Variants in CRACDL observed in about 807,000 individuals in gnomAD.
The protein encoded by CRACDL is CRACD like.
CRACDL carries 26 observed loss-of-function variants against 70.6 expected under a neutral mutation model. The ratio of observed to expected loss-of-function variants is 0.37; its 90% confidence interval spans 0.27 to 0.51. The LOEUF is 0.51. CRACDL is among the 20% of genes least tolerant of loss of function. CRACDL has a pLI of 0.94. For missense variants in CRACDL, 1,283 were observed against 1,376.9 expected (o/e 0.93, Z 1.08); for synonymous variants, 618 against 615.2 (o/e 1.00, Z -0.07).
At position 98,823,134 on chromosome 2, in the gene CRACDL, G is replaced by A. The variant is rs368429942; in HGVS notation, c.1139C>T (p.Pro380Leu). The change falls in exon 7 of 10, where the codon CCG becomes CTG. Residue 380 changes from proline to leucine, a missense_variant. By Grantham distance (98) the Pro-to-Leu change is moderately conservative. Coordinates refer to ENST00000397899, the MANE Select transcript of CRACDL (RefSeq NM_207362.3). The surrounding 1 kb of genome is among the most constrained non-coding windows in gnomAD (Gnocchi z 4.0). ...CGCCTTGTCCGTGGCCGGGGCACAC[G>A]GGCCTGCGGGGGGCGCCTCCCCATC... Reference protein sequence around the residue: ...KQDGEAPPAGPCAPATDKAEE... With the variant: ...KQDGEAPPAGLCAPATDKAEE... The A allele has an allele frequency of 5.8e-6, 9 of 1,563,182 alleles. No homozygotes were observed. Among genetic ancestry groups the A allele is most frequent in the African/African-American group, 5.7e-5 (4 of 70,414 alleles).
chr2:98,817,730 G>A (rs920589515), intron 7 of CRACDL, among the ~76,000 whole-genome samples: 31 of 152,192 alleles, frequency 2.0e-4, no homozygotes, highest in African/African-American at 7.5e-4. Context: ...GCATGAATGA[G>A]TGAGTACTGG....
chr2:98,928,431 C>T (rs1421003262), intron 1 of CRACDL, among the ~76,000 whole-genome samples: 1 of 152,122 alleles, frequency 6.6e-6, no homozygotes, highest in Non-Finnish European at 1.5e-5. Context: ...ACACTGTGGC[C>T]AAAGAGCAGC....
chr2:98,870,710 G>A (rs1366957014), intron 1 of CRACDL, among the ~76,000 whole-genome samples: 2 of 152,234 alleles, frequency 1.3e-5, no homozygotes, highest in African/African-American at 4.8e-5. Context: ...AAGGCCCACA[G>A]TGGCAATTCC....
intron 1 of CRACDL, among the ~76,000 whole-genome samples, chr2:98,911,006 T>A (rs1417658955): frequency 6.6e-6 from 1 of 152,134 alleles, no homozygotes; most frequent in Non-Finnish European, 1.5e-5. Flanking sequence ...CCTTTATTTT[T>A]AAAGGGAGGC....
At chr2:98,843,509 C>T (rs545460936) in intron 2 of CRACDL, among the ~76,000 whole-genome samples, 11 of 152,154 alleles carry the variant, frequency 7.2e-5, no homozygotes, top group Middle Eastern at 3.4e-3. Context: ...CTTTTAAAGG[C>T]GTTAGAGTTT....
chr2:98,908,336 A>C (rs992396723), intron 1 of CRACDL: 1 of 152,324 alleles, frequency 6.6e-6, no homozygotes, highest in Non-Finnish European at 1.5e-5. Context: ...AATGGGTCCC[A>C]CACCGCCTCT....
chr2:98,925,796 AG>A (rs1708897287), intron 1 of CRACDL, among the ~76,000 whole-genome samples: 1 of 152,164 alleles, frequency 6.6e-6, no homozygotes, highest in African/African-American at 2.4e-5. Context: ...AAAGGTGGGG[AG>A]CAATGCTCGA....
intron 1 of CRACDL, among the ~76,000 whole-genome samples, chr2:98,880,804 G>A (rs891504535): frequency 3.9e-5 from 6 of 152,130 alleles, no homozygotes; most frequent in Non-Finnish European, 5.9e-5. Context: ...GCCCCCAGCC[G>A]GGGGGCTTTC....
At position 98,822,691 on chromosome 2, in the gene CRACDL, C is replaced by A; in HGVS notation, c.1582G>T (p.Gly528Cys). 1 of 1,265,198 alleles carries A rather than the reference C, an allele frequency of 7.9e-7. No individual in the cohort carries two copies. The allele number at this position is 1,265,198 out of a possible 1,614,324, so 78.4% of individuals were successfully genotyped here. ...AESPPVEPGP[G>C]SLDAEAAAPE... is the part of the protein sequence containing the mutation. The stretch of plus-strand genomic sequence containing the variant: ...GCGGCGGCCTCTGCGTCGAGGGAAC[C>A]GGGGCCGGGCTCCACCGGGGGAGAC... Residue 528 changes from glycine to cysteine, a missense_variant, in exon 7 of 10, where the codon GGT (glycine) becomes TGT (cysteine). Physicochemically the swap from Gly to Cys is radical, Grantham distance 159. Coordinates refer to ENST00000397899, the MANE Select transcript of CRACDL (RefSeq NM_207362.3). This position sits in a 1 kb window ranked among gnomAD's most constrained non-coding sequence, Gnocchi z 4.9.
intron 1 of CRACDL, among the ~76,000 whole-genome samples, chr2:98,914,675 G>A (rs1708626802): frequency 6.6e-6 from 1 of 152,182 alleles, no homozygotes; most frequent in Non-Finnish European, 1.5e-5. Flanking sequence ...ACCTCATGGA[G>A]CTTCACGCTG....
At chr2:98,861,928 TC>T (rs1706952690) in intron 1 of CRACDL, among the ~76,000 whole-genome samples, 1 of 152,172 alleles carries the variant, frequency 6.6e-6, no homozygotes, top group Admixed American at 6.5e-5. Flanking sequence ...TAGGGATCTG[TC>T]CTCTGGCTGT....
chr2:98,799,184 C>T (rs748760437), intron 7 of CRACDL, among the ~76,000 whole-genome samples: 13 of 152,166 alleles, frequency 8.5e-5, no homozygotes, highest in Non-Finnish European at 1.8e-4. Context: ...GCAACACATG[C>T]AGATGTCCAG....
chr2:98,891,939 T>C (rs915875492), intron 1 of CRACDL, among the ~76,000 whole-genome samples: 5 of 152,198 alleles, frequency 3.3e-5, no homozygotes, highest in African/African-American at 1.2e-4. Context: ...GCAAAGGACA[T>C]GTAAAAACAA....
chr2:98,862,078 T>C (rs1706961170), intron 1 of CRACDL, among the ~76,000 whole-genome samples: 1 of 152,178 alleles, frequency 6.6e-6, no homozygotes. Context: ...TTCCTTCACT[T>C]TTCTTGTTTC....
chr2:98,904,315 A>G (rs1708353266), intron 1 of CRACDL, among the ~76,000 whole-genome samples: 1 of 152,164 alleles, frequency 6.6e-6, no homozygotes, highest in East Asian at 1.9e-4. Context: ...CACAGTTGCC[A>G]TGTGACTCTC....
intron 1 of CRACDL, among the ~76,000 whole-genome samples, chr2:98,907,369 T>A (rs1218707617): frequency 3.3e-5 from 5 of 152,204 alleles, no homozygotes. Context: ...TTCCAGGTTG[T>A]GCTTAGCTCA....
chr2:98,929,255 C>T (rs1709008479), intron 1 of CRACDL, among the ~76,000 whole-genome samples: 1 of 152,202 alleles, frequency 6.6e-6, no homozygotes, highest in South Asian at 2.1e-4. Context: ...AGAGTGCTTG[C>T]GGTATTTCCC....
intron 7 of CRACDL, among the ~76,000 whole-genome samples, chr2:98,821,005 G>A (rs1705004189): frequency 6.6e-6 from 1 of 152,124 alleles, no homozygotes; most frequent in Admixed American, 6.5e-5. Context: ...ACATGTCCTG[G>A]GATTTGGACT....
chr2:98,865,831 G>A (rs966481047), intron 1 of CRACDL, among the ~76,000 whole-genome samples: 4 of 138,330 alleles, frequency 2.9e-5, no homozygotes, highest in African/African-American at 1.1e-4. Context: ...ACGGAGTTTC[G>A]CTCTTGTTGC....
Sources: gnomAD v4.1 joint callset for allele counts (sites outside exome capture counted in the v4.1 genomes callset) on GRCh38, gnomAD v4.1.1 for gene constraint, Gnocchi (gnomAD v3.1) non-coding constraint, MANE v1.5 for transcripts, NCBI Gene and HGNC (gene_info 2026-07-23, HGNC 2026-07-21) for gene names.